Variants in CTNNA3 observed in about 807,000 individuals in gnomAD.
CTNNA3 encodes catenin alpha-3.
A neutral mutation model predicts 95.7 loss-of-function variants in CTNNA3; 76 were observed. The ratio of observed to expected loss-of-function variants is 0.79; its 90% CI spans 0.66 to 0.96. CTNNA3 has a LOEUF of 0.96. CTNNA3 is among the 40% of genes least tolerant of loss of function. CTNNA3 has a pLI of 0.00. For missense variants in CTNNA3, 1,191 were observed against 1,089.8 expected (o/e 1.09, Z -1.31); for synonymous variants, 431 against 374.4 (o/e 1.15, Z -1.74).
rs772641837 is a variant in CTNNA3, at chr10:66,775,426, A to C, written c.1128+18T>G. ...TTAGCCCCTATGTTTCTGACTCCAT[A>C]TCTCTCTCTTCCCTCACCTGTCTGC... On this transcript the variant is annotated intron_variant, in intron 8 of 17. Transcript: ENST00000433211. 9 of 1,555,990 alleles carry C rather than the reference A, an allele frequency of 5.8e-6. No individual in the cohort carries two copies. The South Asian group carries it at 6.9e-5, about 12-fold the overall frequency.
intron 3 of CTNNA3, among the ~76,000 whole-genome samples, chr10:67,553,427 C>T (rs1023980666): frequency 2.0e-5 from 3 of 152,106 alleles, no homozygotes; most frequent in Non-Finnish European, 4.4e-5. Context: ...TCTTGAGTCA[C>T]TATCGAAATC....
intron 7 of CTNNA3, among the ~76,000 whole-genome samples, chr10:67,159,057 C>G (rs1861426786): frequency 6.6e-6 from 1 of 152,122 alleles, no homozygotes; most frequent in Admixed American, 6.5e-5. Context: ...CTGGCCTAAA[C>G]CCAGTAGTTA....
chr10:66,060,399 G>T (rs1428484793), intron 15 of CTNNA3, among the ~76,000 whole-genome samples: 3 of 151,932 alleles, frequency 2.0e-5, no homozygotes, highest in Non-Finnish European at 4.4e-5. Context: ...ATCTAATTTT[G>T]CTCCTTTTCA....
chr10:66,804,442 T>A (rs1411388400), intron 7 of CTNNA3, among the ~76,000 whole-genome samples: 1 of 152,040 alleles, frequency 6.6e-6, no homozygotes, highest in African/African-American at 2.4e-5. Context: ...GCTTTCCTAA[T>A]GATAAGAACG....
At position 66,471,693 on chromosome 10, in the gene CTNNA3, C is replaced by T. The variant is rs114136816; in HGVS notation, c.1531+48924G>A. The stretch of plus-strand genomic sequence containing the variant: ...ACCTAGTGACATCACATATAAAGGT[C>T]GGCTCCACCGTGAAAATGCTCCAAC... On this transcript the variant is annotated intron_variant, in intron 11 of 17. Coordinates refer to ENST00000433211, the MANE Select transcript of CTNNA3 (RefSeq NM_013266.4). 8.8e-3 allele frequency among the ~76,000 whole-genome samples: 1,338 copies of T among 151,496 alleles called. 26 individuals carry two copies. The highest frequency in any genetic ancestry group is 0.03 in the African/African-American group (1,235 of 41,338).
intron 5 of CTNNA3, among the ~76,000 whole-genome samples, chr10:67,437,316 T>C (rs1846335687): frequency 6.6e-6 from 1 of 152,092 alleles, no homozygotes; most frequent in Non-Finnish European, 1.5e-5. Flanking sequence ...TTTGGGGACC[T>C]GAGAGGAAGA....
intron 12 of CTNNA3, among the ~76,000 whole-genome samples, chr10:66,367,702 G>T (rs1244037434): frequency 6.7e-6 from 1 of 149,086 alleles, no homozygotes; most frequent in Non-Finnish European, 1.5e-5. Context: ...TTAAAATTTT[G>T]GGGTCATATA....
intron 7 of CTNNA3, among the ~76,000 whole-genome samples, chr10:66,907,505 T>C (rs1846037844): frequency 6.6e-6 from 1 of 152,190 alleles, no homozygotes; most frequent in Admixed American, 6.5e-5. Flanking sequence ...TTGATATCCT[T>C]TCAGTTGCTT....
intron 11 of CTNNA3, among the ~76,000 whole-genome samples, chr10:66,482,960 A>G (rs1193321705): frequency 3.3e-5 from 5 of 152,182 alleles, no homozygotes; most frequent in African/African-American, 7.2e-5. Flanking sequence ...GCTAAGCCCA[A>G]TGGAATAGCA....
intron 11 of CTNNA3, among the ~76,000 whole-genome samples, chr10:66,430,710 C>T (rs34757442): frequency 0.18 from 27,276 of 152,136 alleles, 3,051 homozygotes; most frequent in South Asian, 0.3. Context: ...ATGTAGAAAG[C>T]TGAAACTGGA....
intron 7 of CTNNA3, among the ~76,000 whole-genome samples, chr10:66,960,933 G>A (rs1849074733): frequency 6.6e-6 from 1 of 152,060 alleles, no homozygotes; most frequent in Non-Finnish European, 1.5e-5. Context: ...TTTTGCTAAG[G>A]ACTACTAGTT....
At chr10:67,692,105 C>T (rs139375219) in intron 1 of CTNNA3, among the ~76,000 whole-genome samples, 25,287 of 140,964 alleles carry the variant, frequency 0.18, 2,965 homozygotes, top group African/African-American at 0.31. Context: ...CTGCCCCCTC[C>T]GGGAGGGAGG....
chr10:65,953,613 C>A (rs1248578351), intron 17 of CTNNA3, among the ~76,000 whole-genome samples: 2 of 151,890 alleles, frequency 1.3e-5, no homozygotes, highest in Non-Finnish European at 2.9e-5. Flanking sequence ...TCAATTCCCA[C>A]CTATGAGTAA....
intron 1 of CTNNA3, among the ~76,000 whole-genome samples, chr10:67,748,210 A>T (rs1342130007): frequency 6.6e-6 from 1 of 152,226 alleles, no homozygotes; most frequent in Non-Finnish European, 1.5e-5. Context: ...AACTTCTCCA[A>T]CTTAGCAAAA....
intron 15 of CTNNA3, among the ~76,000 whole-genome samples, chr10:66,055,459 T>A (rs1483179719): frequency 6.6e-6 from 1 of 152,204 alleles, no homozygotes; most frequent in African/African-American, 2.4e-5. Flanking sequence ...CTGGGTATTT[T>A]ATTTTATTTG....
chr10:67,423,194 C>T (rs918016902), intron 5 of CTNNA3, among the ~76,000 whole-genome samples: 1 of 152,128 alleles, frequency 6.6e-6, no homozygotes, highest in South Asian at 2.1e-4. Context: ...TCTCTCCTCC[C>T]TCCCCAACCC....
At chr10:67,331,693 A>C (rs565489606) in intron 5 of CTNNA3, among the ~76,000 whole-genome samples, 1 of 152,312 alleles carries the variant, frequency 6.6e-6, no homozygotes, top group East Asian at 1.9e-4. Context: ...GAGATATAGT[A>C]TCTTTCCTAG....
intron 13 of CTNNA3, among the ~76,000 whole-genome samples, chr10:66,111,790 T>A (rs1033933204): frequency 6.6e-6 from 1 of 152,114 alleles, no homozygotes; most frequent in Non-Finnish European, 1.5e-5. Flanking sequence ...AGAAAGCTGG[T>A]AGGCTTGTGT....
chr10:66,816,690 T>A (rs1399219207), intron 7 of CTNNA3, among the ~76,000 whole-genome samples: 1 of 152,056 alleles, frequency 6.6e-6, no homozygotes, highest in African/African-American at 2.4e-5. Flanking sequence ...AATAGATATT[T>A]ATAGAACACT....
Sources: allele counts gnomAD v4.1 joint callset (sites outside exome capture counted in the v4.1 genomes callset), GRCh38; gene constraint gnomAD v4.1.1; transcripts MANE v1.5; gene names NCBI Gene and HGNC (gene_info 2026-07-23, HGNC 2026-07-21).